Variants in EML6 observed in about 807,000 individuals in gnomAD.
EML6 encodes the protein echinoderm microtubule-associated protein-like 6.
A neutral mutation model predicts 240.1 loss-of-function variants in EML6; 154 were observed. The observed-to-expected ratio is 0.64, with a 90% CI of 0.56 to 0.73. The LOEUF is 0.73. Ranked by LOEUF, EML6 falls within the 30% of genes least tolerant of loss-of-function variation. The pLI, the probability that EML6 is intolerant of heterozygous loss-of-function variation, is 0.00. For synonymous variants in EML6, 1,148 were observed against 899.0 expected, an observed-to-expected ratio of 1.28 and a Z score of -4.95; for missense variants, 2,964 against 2,474.6, an observed-to-expected ratio of 1.20 and a Z score of -4.20.
intron 7 of EML6, among the ~76,000 whole-genome samples, chr2:54,839,901 G>A (rs1476304058): frequency 6.6e-6 from 1 of 152,114 alleles, no homozygotes; most frequent in Non-Finnish European, 1.5e-5. Flanking sequence ...TAAAAGAGAG[G>A]ATATATAGAT....
intron 32 of EML6, among the ~76,000 whole-genome samples, chr2:54,954,406 G>A (rs1016523232): frequency 7.9e-5 from 12 of 152,202 alleles, no homozygotes; most frequent in Non-Finnish European, 1.5e-4. Context: ...GCTCTGAGGA[G>A]GTTCCCCGAT....
chr2:54,763,798 G>C (rs945337132), intron 2 of EML6, among the ~76,000 whole-genome samples: 2 of 152,186 alleles, frequency 1.3e-5, no homozygotes, highest in Non-Finnish European at 2.9e-5. Flanking sequence ...TGAGGGTTTG[G>C]AAAGGCTCTG....
At chr2:54,800,661 C>A (rs958783956) in intron 2 of EML6, among the ~76,000 whole-genome samples, 1 of 152,096 alleles carries the variant, frequency 6.6e-6, no homozygotes, top group African/African-American at 2.4e-5. Flanking sequence ...GCACCTGGCT[C>A]CAACCCCTAG....
chr2:54,821,133 A>C (rs565582977), intron 5 of EML6, among the ~76,000 whole-genome samples: 3 of 152,310 alleles, frequency 2.0e-5, no homozygotes, highest in South Asian at 2.1e-4. Context: ...TAAAGTCCAT[A>C]AACAAGAGTA....
At chr2:54,889,737 T>A (rs924581952) in intron 17 of EML6, among the ~76,000 whole-genome samples, 2 of 152,228 alleles carry the variant, frequency 1.3e-5, no homozygotes, top group Admixed American at 1.3e-4. Flanking sequence ...TTTTAGCTCT[T>A]CCATTCCAGC....
chr2:54,892,764 A>C, intron 19 of EML6, 108 bp downstream of exon 19: 1 of 753,796 alleles, frequency 1.3e-6, no homozygotes, highest in Non-Finnish European at 2.1e-6. Flanking sequence ...GCCTGTCTGA[A>C]TTAGGAAGTA....
intron 2 of EML6, among the ~76,000 whole-genome samples, chr2:54,781,577 A>G (rs1031875414): frequency 1.3e-5 from 2 of 152,234 alleles, no homozygotes; most frequent in African/African-American, 4.8e-5. Flanking sequence ...ATTGCTAAAT[A>G]TGTTTTAAAG....
intron 10 of EML6, among the ~76,000 whole-genome samples, chr2:54,851,417 T>A (rs547911808): frequency 1.2e-4 from 18 of 152,132 alleles, no homozygotes; most frequent in Admixed American, 3.9e-4. Context: ...CATCTCAAAA[T>A]AAATAAATAA....
chr2:54,881,876 T>G (rs1222757173), intron 17 of EML6: 3 of 152,292 alleles, frequency 2.0e-5, no homozygotes, highest in Non-Finnish European at 1.5e-5. Flanking sequence ...TCTGGCTGGC[T>G]GTGCTGTTTT....
chr2:54,880,322 C>A (rs553392214), intron 17 of EML6: 1 of 152,202 alleles, frequency 6.6e-6, no homozygotes, highest in Non-Finnish European at 1.5e-5. Flanking sequence ...CAATTTGTTG[C>A]CGAGGCGTGT....
Position 54,952,629 on chromosome 2 carries a change from A to G in EML6, c.4249A>G (p.Ile1417Val), listed in dbSNP as rs1465722537. ...CTTCTATCTGGAGCACACAGATGACATCCTCTGTCTCACAGTGAACCAGCA... is the reference window on the plus strand; with the variant it reads ...CTTCTATCTGGAGCACACAGATGACGTCCTCTGTCTCACAGTGAACCAGCA... The part of the protein sequence containing the change: ...QSFYLEHTDD[I>V]LCLTVNQHPK... Residue 1417 changes from isoleucine (I) to valine (V), a missense_variant, in exon 31 of 42, where the codon ATC (isoleucine) becomes GTC (valine). Ile to Val is a conservative substitution (Grantham distance 29). Coordinates refer to ENST00000356458, the MANE Select transcript of EML6 (RefSeq NM_001039753.4). The G allele has an allele frequency of 4.5e-6, 7 of 1,551,226 alleles. No individual in the cohort carries two copies. In the East Asian group the frequency reaches 1.2e-4, roughly 27 times the overall value.
At chr2:54,903,789 C>T (rs1419359952) in intron 24 of EML6, among the ~76,000 whole-genome samples, 2 of 152,284 alleles carry the variant, frequency 1.3e-5, no homozygotes, top group African/African-American at 4.8e-5. Flanking sequence ...AGCAAGCCAC[C>T]ACCTCACCTT....
intron 28 of EML6, among the ~76,000 whole-genome samples, chr2:54,930,668 A>G (rs1206377505): frequency 6.6e-6 from 1 of 152,204 alleles, no homozygotes; most frequent in African/African-American, 2.4e-5. Flanking sequence ...GGAGTAATCA[A>G]ACCTTTTCTG....
intron 28 of EML6, among the ~76,000 whole-genome samples, chr2:54,933,722 ACT>A (rs2104414581): frequency 6.6e-6 from 1 of 151,898 alleles, no homozygotes; most frequent in Non-Finnish European, 1.5e-5. Flanking sequence ...ACAGAGTGAG[ACT>A]CTGCCTCAAA....
chr2:54,795,104 C>T (rs539554774), intron 2 of EML6, among the ~76,000 whole-genome samples: 1 of 152,220 alleles, frequency 6.6e-6, no homozygotes, highest in African/African-American at 2.4e-5. Context: ...TGGTCTTAAG[C>T]TTCTGGAGGA....
At chr2:54,762,730 A>G (rs535297995) in intron 2 of EML6, among the ~76,000 whole-genome samples, 14 of 152,274 alleles carry the variant, frequency 9.2e-5, no homozygotes, top group African/African-American at 2.9e-4. Context: ...AAATTTGTGT[A>G]GCATCTTATT....
intron 32 of EML6, among the ~76,000 whole-genome samples, chr2:54,956,208 A>G (rs1220826610): frequency 1.3e-5 from 2 of 151,982 alleles, no homozygotes; most frequent in Admixed American, 1.3e-4. Flanking sequence ...AAATATAAAC[A>G]GTGGCTTTGA....
At chr2:54,840,868 T>C (rs1669408966) in intron 7 of EML6, among the ~76,000 whole-genome samples, 1 of 152,198 alleles carries the variant, frequency 6.6e-6, no homozygotes, top group Admixed American at 6.5e-5. Context: ...TTGCTGATGT[T>C]GAAATATCAC....
intron 5 of EML6, among the ~76,000 whole-genome samples, chr2:54,820,750 C>A (rs904965299): frequency 6.6e-6 from 1 of 152,086 alleles, no homozygotes; most frequent in East Asian, 1.9e-4. Flanking sequence ...TGTGGGATTG[C>A]ATGTTTTAAA....
Sources: allele counts gnomAD v4.1 joint callset (sites outside exome capture counted in the v4.1 genomes callset), GRCh38; gene constraint gnomAD v4.1.1; transcripts MANE v1.5; gene names NCBI Gene and HGNC (gene_info 2026-07-23, HGNC 2026-07-21).